The following SOS1 variants were observed in gnomAD, a reference collection of about 807,000 sequenced individuals.
SOS1 encodes son of sevenless homolog 1.
In SOS1, 25 loss-of-function variants were observed where a neutral mutation model predicts 157.6. The observed-to-expected ratio is 0.16, with a 90% CI of 0.12 to 0.22. SOS1 has a LOEUF of 0.22. Among genes scored for constraint, SOS1 ranks in the 10% least tolerant of loss-of-function variants. The pLI is 1.00. For synonymous variants in SOS1, 528 were observed against 534.0 expected, an observed-to-expected ratio of 0.99 and a Z score of 0.16; for missense variants, 1,237 against 1,599.1, an observed-to-expected ratio of 0.77 and a Z score of 3.86.
intron 5 of SOS1, among the ~76,000 whole-genome samples, chr2:39,053,177 A>G (rs1164674531): frequency 6.6e-6 from 1 of 152,026 alleles, no homozygotes; most frequent in Admixed American, 6.6e-5. Flanking sequence ...AGAGAGAACC[A>G]CCAAACTGTT....
At position 38,983,763 on chromosome 2, in the gene SOS1, T is replaced by TATCA. The variant is rs1435659485; in HGVS notation, c.*2057_*2060dup. On this transcript the variant is annotated 3_prime_UTR_variant, in exon 23 of 23. Transcript: ENST00000402219. ...AAGTCCAGGGAGATTCTGGACTGTCTATCATGATTAGTTGTAGCGGCTCTA... is the reference window on the plus strand; with the variant it reads ...AAGTCCAGGGAGATTCTGGACTGTCTATCAATCATGATTAGTTGTAGCGGCTCTA... 2 of 152,308 alleles carry TATCA rather than the reference T, an allele frequency of 1.3e-5. No individual in the cohort carries two copies. The highest frequency in any genetic ancestry group is 1.9e-4 in the East Asian group (1 of 5,184). The allele number at this position is 152,308 out of a possible 1,614,324, so 9.4% of individuals were successfully genotyped here.
intron 1 of SOS1, among the ~76,000 whole-genome samples, chr2:39,071,794 A>C (rs1461327034): frequency 6.6e-6 from 1 of 152,106 alleles, no homozygotes; most frequent in Non-Finnish European, 1.5e-5. Flanking sequence ...TTTACACTTT[A>C]TGCTAATGCA....
intron 20 of SOS1, among the ~76,000 whole-genome samples, chr2:38,990,170 GTTT>G (rs57752950): frequency 1.5e-5 from 2 of 135,184 alleles, no homozygotes; most frequent in Non-Finnish European, 3.2e-5. Context: ...TTCAGATTTC[GTTT>G]TTTTTTTTTT....
intron 2 of SOS1, among the ~76,000 whole-genome samples, chr2:39,064,564 T>C (rs1337536651): frequency 2.6e-5 from 4 of 152,084 alleles, no homozygotes; most frequent in African/African-American, 9.7e-5. Context: ...TGCTGTACAA[T>C]AGGGTCTCTT....
intron 5 of SOS1, among the ~76,000 whole-genome samples, chr2:39,051,579 G>A (rs555295230): frequency 2.0e-4 from 31 of 152,096 alleles, no homozygotes; most frequent in African/African-American, 7.5e-4. Flanking sequence ...TTATAACTAT[G>A]TATTTCAATG....
chr2:39,054,847 AGTAT>A, intron 4 of SOS1, 24 bp from the exon 5 acceptor site: 1 of 1,150,668 alleles, frequency 8.7e-7, no homozygotes, highest in African/African-American at 1.5e-5. Flanking sequence ...GATATAAAAA[AGTAT>A]AATAAAATAT....
At chr2:39,041,431 T>C (rs1402707233) in intron 6 of SOS1, among the ~76,000 whole-genome samples, 4 of 152,218 alleles carry the variant, frequency 2.6e-5, no homozygotes, top group Non-Finnish European at 2.9e-5. Context: ...CACTGAATAC[T>C]ACTCTTATCA....
At chr2:38,994,299 A>G (rs1040504005) in intron 20 of SOS1, among the ~76,000 whole-genome samples, 1 of 152,214 alleles carries the variant, frequency 6.6e-6, no homozygotes, top group Non-Finnish European at 1.5e-5. Context: ...TGTGGCTCAC[A>G]TATTTCTATA....
chr2:39,022,976 G>C lies in SOS1; in HGVS notation c.1452C>G (p.Ser484Arg). The stretch of plus-strand genomic sequence containing the variant: ...TTTCTTTAAGACGATATTCTGCATT[G>C]CTAGCACCAGGAAGTCTTGGCTGCC... ...NHGQPRLPGA[S>R]NAEYRLKEKF... The change falls in exon 10 of 23, where the codon AGC becomes AGG. Residue 484 changes from serine (S) to arginine (R), a missense_variant. By Grantham distance (110) the Ser-to-Arg change is moderately radical. Around this residue, in one of 15 missense-constraint regions of SOS1, gnomAD observed 210 missense variants for 220.2 expected, o/e 0.95. Transcript: ENST00000402219. 6.2e-7 allele frequency: 1 copy of C among 1,613,694 alleles called. No homozygotes were observed. Among genetic ancestry groups the C allele is most frequent in the Non-Finnish European group, 8.5e-7 (1 of 1,179,790 alleles).
chr2:39,121,831 T>A (rs1422708276), upstream of SOS1, among the ~76,000 whole-genome samples: 2 of 152,258 alleles, frequency 1.3e-5, no homozygotes, highest in African/African-American at 4.8e-5. Context: ...ATTTATAAAC[T>A]GTCCCTCCAG....
At chr2:39,053,196 T>C (rs1167661254) in intron 5 of SOS1, among the ~76,000 whole-genome samples, 1 of 152,146 alleles carries the variant, frequency 6.6e-6, no homozygotes, top group African/African-American at 2.4e-5. Flanking sequence ...TTTTCCAAAA[T>C]ATACTAGTTT....
At chr2:39,120,208 C>A (rs906136515) in intron 1 of SOS1, 128 bp downstream of exon 1, 3 of 807,504 alleles carry the variant, frequency 3.7e-6, no homozygotes, top group Admixed American at 3.7e-5. Flanking sequence ...CCGTGTGCGC[C>A]GTCCTTTTGG....
chr2:39,060,579 C>A (rs915859153), intron 2 of SOS1, among the ~76,000 whole-genome samples: 1 of 152,276 alleles, frequency 6.6e-6, no homozygotes, highest in African/African-American at 2.4e-5. Context: ...GCGTGTGCTA[C>A]CATGCCCAGC....
At chr2:39,123,654 G>A (rs963283066), upstream of SOS1, among the ~76,000 whole-genome samples, 5 of 149,714 alleles carry the variant, frequency 3.3e-5, no homozygotes, top group South Asian at 6.4e-4. Context: ...CACCGCGCCC[G>A]GCCGAGATCA....
intron 1 of SOS1, among the ~76,000 whole-genome samples, chr2:39,100,023 G>GT (rs908197982): frequency 5.9e-5 from 9 of 152,062 alleles, no homozygotes; most frequent in Non-Finnish European, 1.0e-4. Flanking sequence ...GGCCAAGACT[G>GT]TTTTTTTCTG....
intron 17 of SOS1, among the ~76,000 whole-genome samples, chr2:38,999,694 A>G (rs969075537): frequency 6.6e-6 from 1 of 152,210 alleles, no homozygotes; most frequent in African/African-American, 2.4e-5. Flanking sequence ...CTCAGTGTTC[A>G]GTCTGACAAA....
chr2:39,052,787 A>G (rs1671065667), intron 5 of SOS1, among the ~76,000 whole-genome samples: 2 of 152,140 alleles, frequency 1.3e-5, no homozygotes, highest in Non-Finnish European at 2.9e-5. Context: ...ACATGTTTTC[A>G]TTTCTTCTGG....
intron 1 of SOS1, among the ~76,000 whole-genome samples, chr2:39,116,423 C>A (rs531473456): frequency 1.3e-5 from 2 of 152,304 alleles, no homozygotes; most frequent in East Asian, 3.9e-4. Flanking sequence ...TTCAAATGCA[C>A]CCTTAGTTCA....
At chr2:39,077,577 C>A (rs2148161784) in intron 1 of SOS1, among the ~76,000 whole-genome samples, 1 of 152,176 alleles carries the variant, frequency 6.6e-6, no homozygotes, top group East Asian at 1.9e-4. Flanking sequence ...AACTATTTTT[C>A]CTGCCAGATA....
Sources: allele counts gnomAD v4.1 joint callset (sites outside exome capture counted in the v4.1 genomes callset), GRCh38; gene constraint gnomAD v4.1.1; regional missense constraint gnomAD v4.1.1; transcripts MANE v1.5; gene names NCBI Gene and HGNC (gene_info 2026-07-23, HGNC 2026-07-21).